The following PPFIBP2 variants were observed in gnomAD, a reference collection of about 807,000 sequenced individuals.
PPFIBP2 encodes the protein liprin-beta-2.
A neutral mutation model predicts 118.3 loss-of-function variants in PPFIBP2; 118 were observed. That is an observed-to-expected ratio of 1.00 (90% CI 0.86 to 1.16). The LOEUF (loss-of-function observed/expected upper bound fraction) is 1.16. PPFIBP2 is among the 50% of genes most tolerant of loss of function. The probability of loss-of-function intolerance (pLI) is 0.00; values close to 1 mark genes in which losing one functional copy is unlikely to be tolerated. For missense variants in PPFIBP2, 1,195 were observed against 1,073.1 expected (o/e 1.11, Z -1.59); for synonymous variants, 414 against 397.4 (o/e 1.04, Z -0.50).
intron 5 of PPFIBP2, among the ~76,000 whole-genome samples, chr11:7,599,096 T>C (rs549030718): frequency 1.3e-4 from 19 of 151,942 alleles, no homozygotes; most frequent in African/African-American, 3.9e-4. Context: ...CAAAAGGAAT[T>C]GAGGCTTTTT....
rs1850476021 is a variant in PPFIBP2 at position 7,629,504 on chromosome 11, A to C, written c.934A>C (p.Lys312Gln). 6 of 1,614,008 alleles carry C rather than the reference A, an allele frequency of 3.7e-6. No homozygotes were observed. The highest frequency in any genetic ancestry group is 2.7e-5 in the African/African-American group (2 of 74,912). ...TACGGGGCTGTTAAACCAGTACCGG[A>C]AGGTAAAGGAGATTGTGATGGTCAC... is the stretch of plus-strand genomic sequence containing the variant. ...ELTGLLNQYR[K>Q]VKEIVMVTQG... The change falls in exon 10 of 24, where the codon AAG (lysine) becomes CAG (glutamine). Residue 312 changes from lysine (K) to glutamine (Q), a missense_variant. Lys to Gln is a moderately conservative substitution (Grantham distance 53). Transcript: ENST00000299492.
At chr11:7,644,756 G>A (rs1458718148) in intron 17 of PPFIBP2, among the ~76,000 whole-genome samples, 2 of 152,032 alleles carry the variant, frequency 1.3e-5, no homozygotes, top group Non-Finnish European at 1.5e-5. Context: ...GGCCGGGCGC[G>A]GTGGCTCACG....
At chr11:7,578,420 G>C (rs1306006360) in intron 3 of PPFIBP2, among the ~76,000 whole-genome samples, 1 of 152,226 alleles carries the variant, frequency 6.6e-6, no homozygotes, top group Non-Finnish European at 1.5e-5. Flanking sequence ...CAGAAGGACA[G>C]AAGAACCAGG....
Position 7,526,767 on chromosome 11 carries a change from G to A in PPFIBP2, c.-37+12646G>A, listed in dbSNP as rs184010073. ...GGAAGCTTCTCTATCCCAAGTCGCA[G>A]GCTGAACATCCCACTTAGTGACAAG... On this transcript the variant is annotated intron_variant, in intron 1 of 23. Transcript: ENST00000299492. Among the ~76,000 whole-genome samples, 62 of 152,224 alleles carry A rather than the reference G, an allele frequency of 4.1e-4. 1 individual carries two copies. In the East Asian group the frequency reaches 9.7e-3, roughly 24 times the overall value.
At chr11:7,593,357 G>A (rs1292172001) in intron 4 of PPFIBP2, 133 bp downstream of exon 4, 3 of 1,316,476 alleles carry the variant, frequency 2.3e-6, no homozygotes, top group Non-Finnish European at 3.1e-6. Flanking sequence ...TTTTAGAAAA[G>A]ACTTTTCCTG....
At chr11:7,599,474 T>C (rs1194542700) in intron 5 of PPFIBP2, among the ~76,000 whole-genome samples, 2 of 152,150 alleles carry the variant, frequency 1.3e-5, no homozygotes, top group Non-Finnish European at 2.9e-5. Flanking sequence ...TCTACATAGC[T>C]CTCTATGACA....
At chr11:7,639,942 C>A in intron 15 of PPFIBP2, 72 bp downstream of exon 15, 1 of 1,526,480 alleles carries the variant, frequency 6.6e-7, no homozygotes, top group Non-Finnish European at 8.8e-7. Flanking sequence ...GTATAAGATC[C>A]CTGCACCTAC....
At chr11:7,646,480 C>T in intron 17 of PPFIBP2, among the ~76,000 whole-genome samples, 1 of 152,190 alleles carries the variant, frequency 6.6e-6, no homozygotes, top group African/African-American at 2.4e-5. Flanking sequence ...AAGACTAAAT[C>T]AACCGTCTGT....
intron 3 of PPFIBP2, chr11:7,571,560 T>C (rs779508826): frequency 6.6e-6 from 1 of 152,204 alleles, no homozygotes; most frequent in Non-Finnish European, 1.5e-5. Context: ...AACATTTCAA[T>C]TTTGAAAAGT....
chr11:7,600,827 C>T (rs1436572027), intron 5 of PPFIBP2, among the ~76,000 whole-genome samples: 1 of 152,214 alleles, frequency 6.6e-6, no homozygotes, highest in Admixed American at 6.5e-5. Flanking sequence ...TCACAAGAGA[C>T]TCAAAATCCA....
chr11:7,666,389 G>C, the PPFIBP2 span: 3 of 1,052,406 alleles, frequency 2.9e-6, no homozygotes, highest in Admixed American at 3.5e-5. Context: ...ACAGAGACCA[G>C]TCCTCAAAGT....
intron 1 of PPFIBP2, among the ~76,000 whole-genome samples, chr11:7,540,022 C>T (rs892768642): frequency 3.3e-5 from 5 of 151,976 alleles, no homozygotes; most frequent in African/African-American, 9.7e-5. Context: ...AAGAGCTTGT[C>T]GGGGCACAGC....
chr11:7,530,872 G>A (rs549739684), intron 1 of PPFIBP2, among the ~76,000 whole-genome samples: 1 of 152,240 alleles, frequency 6.6e-6, no homozygotes, highest in South Asian at 2.1e-4. Context: ...GTGGCCATTT[G>A]GAGTCACATA....
At chr11:7,666,302 C>G in the PPFIBP2 span, 26 of 619,066 alleles carry the variant, frequency 4.2e-5, no homozygotes, top group African/African-American at 4.1e-4. Context: ...CTCAATTTCT[C>G]ACATTTCCCA....
At chr11:7,533,835 T>G (rs4322372) in intron 1 of PPFIBP2, among the ~76,000 whole-genome samples, 73,319 of 152,098 alleles carry the variant, frequency 0.48, 18,810 homozygotes, top group African/African-American at 0.65. Flanking sequence ...GAAGGTTAAC[T>G]GTATTAGAGG....
chr11:7,608,209 T>C (rs12800279), intron 5 of PPFIBP2, among the ~76,000 whole-genome samples: 25,059 of 152,210 alleles, frequency 0.16, 3,127 homozygotes, highest in African/African-American at 0.35. Flanking sequence ...CCTGGGCTCA[T>C]TGAATATTTG....
chr11:7,597,915 A>G (rs922242228), intron 5 of PPFIBP2: 4 of 438,364 alleles, frequency 9.1e-6, no homozygotes, highest in Non-Finnish European at 1.7e-5. Context: ...CTGGTTAGAC[A>G]GATTCCCAGA....
In PPFIBP2 at chr11:7,519,411, T is replaced by C. The variant is rs562103906; in HGVS notation, c.-37+5290T>C. ...GGCCTGGAAATAAGGAATTTCTTCC[T>C]ATTTCTTCGGTCGTTGGCAATACTT... is the stretch of plus-strand genomic sequence containing the variant. On this transcript the variant is annotated intron_variant, in intron 1 of 23. Coordinates refer to ENST00000299492, the MANE Select transcript of PPFIBP2 (RefSeq NM_003621.5). Among the ~76,000 whole-genome samples, 10 of 152,338 alleles carry C rather than the reference T, an allele frequency of 6.6e-5. No homozygotes were observed. In the South Asian group the frequency reaches 1.9e-3, roughly 28 times the overall value.
rs559111705 is a variant in PPFIBP2, at chr11:7,521,051, A to G, written c.-37+6930A>G. The stretch of plus-strand genomic sequence containing the variant: ...AGATCTCCTTAGTGCCTCAAGTTCC[A>G]GGGGACTGCTGACTCCGAGCTTTGT... On this transcript the variant is annotated intron_variant, in intron 1 of 23. Coordinates refer to ENST00000299492, the MANE Select transcript of PPFIBP2 (RefSeq NM_003621.5). Among the ~76,000 whole-genome samples the G allele has an allele frequency of 6.6e-5, 10 of 152,338 alleles. No individual in the cohort carries two copies. The South Asian group carries it at 2.1e-3, about 32-fold the overall frequency.
Sources: gnomAD v4.1 joint callset for allele counts (sites outside exome capture counted in the v4.1 genomes callset) on GRCh38, gnomAD v4.1.1 for gene constraint, MANE v1.5 for transcripts, NCBI Gene and HGNC (gene_info 2026-07-23, HGNC 2026-07-21) for gene names.